MEX3A: variants seen among roughly 807,000 people sequenced by gnomAD.
MEX3A encodes mex-3 RNA binding family member A.
MEX3A carries 4 observed loss-of-function variants against 30.0 expected under a neutral mutation model. That is an observed-to-expected ratio of 0.13 (90% confidence interval 0.07 to 0.30). MEX3A has a LOEUF of 0.30. Ranked by LOEUF, MEX3A falls within the 10% of genes least tolerant of loss-of-function variation. The pLI is 1.00. For synonymous variants in MEX3A, 335 were observed against 327.6 expected, an observed-to-expected ratio of 1.02 and a Z score of -0.24; for missense variants, 555 against 736.7, an observed-to-expected ratio of 0.75 and a Z score of 2.86.
At position 156,073,295 on chromosome 1, in the gene MEX3A, C is replaced by G. The variant is rs899396575; in HGVS notation, c.*3279G>C. 1 of 152,930 alleles carries G rather than the reference C, an allele frequency of 6.5e-6. No homozygotes were observed. The highest frequency in any genetic ancestry group is 2.1e-4 in the South Asian group (1 of 4,830). The allele number at this position is 152,930 out of a possible 1,614,324, so 9.5% of individuals were successfully genotyped here. A position where few individuals can be genotyped will look rare whatever the true frequency, so the allele number is the denominator to read the frequency against. ...TCCTCTGCTGCCCCCAACCCAGCCC[C>G]TGTCTTATTGAGATGATCAGTGTGC... On this transcript the variant is annotated 3_prime_UTR_variant, in exon 2 of 2. Coordinates refer to ENST00000532414, the MANE Select transcript of MEX3A (RefSeq NM_001093725.2).
In MEX3A at chr1:156,075,453, A is replaced by G. The variant is rs1446384298; in HGVS notation, c.*1121T>C. 2.0e-5 allele frequency: 3 copies of G among 152,738 alleles called. No homozygotes were observed. The highest frequency in any genetic ancestry group is 4.4e-5 in the Non-Finnish European group (3 of 68,082). 9.5% of individuals were successfully genotyped at this position (152,738 alleles called of 1,614,324 possible). A position where few individuals can be genotyped will look rare whatever the true frequency, so the allele number is the denominator to read the frequency against. On this transcript the variant is annotated 3_prime_UTR_variant, in exon 2 of 2. Coordinates refer to ENST00000532414, the MANE Select transcript of MEX3A (RefSeq NM_001093725.2). ...CCACAACCAGAAAATCCAGCCCAAGAACTACTCCCTAAATATAATGCCCAT... is the reference window on the plus strand; with the variant it reads ...CCACAACCAGAAAATCCAGCCCAAGGACTACTCCCTAAATATAATGCCCAT...
chr1:156,081,718 G>A lies in MEX3A; in HGVS notation c.281C>T (p.Ala94Val), dbSNP rs1648249171. The part of the protein sequence containing the change: ...PPAAPPAAPT[A>V]APAAQTPQPP... ...CTGGGGCGTCTGCGCTGCGGGGGCC[G>A]CCGTCGGGGCGGCCGGGGGCGCCGC... is the stretch of plus-strand genomic sequence containing the variant. Residue 94 changes from alanine to valine, a missense_variant, in exon 1 of 2, where the codon GCG becomes GTG. Around this residue, in one of 6 missense-constraint regions of MEX3A, gnomAD observed 159 missense variants for 159.9 expected, o/e 0.99. Transcript: ENST00000532414. The A allele has an allele frequency of 1.1e-5, 12 of 1,070,114 alleles. No individual in the cohort carries two copies. The highest frequency in any genetic ancestry group is 4.0e-4 in the Middle Eastern group (1 of 2,486). The allele number at this position is 1,070,114 out of a possible 1,614,324, so 66.3% of individuals were successfully genotyped here.
rs1315383741 is a variant in MEX3A, at chr1:156,073,447, A to C, written c.*3127T>G. The C allele has an allele frequency of 6.5e-6, 1 of 152,678 alleles. No homozygotes were observed. The highest frequency in any genetic ancestry group is 1.5e-5 in the Non-Finnish European group (1 of 68,022). The allele number at this position is 152,678 out of a possible 1,614,324, so 9.5% of individuals were successfully genotyped here. On this transcript the variant is annotated 3_prime_UTR_variant, in exon 2 of 2. Coordinates refer to ENST00000532414, the MANE Select transcript of MEX3A (RefSeq NM_001093725.2). ...AATCTTAAACTAGCAACCTGATCCAACCCTGGTATCTGAAGATTGGGCAAC... is the reference window on the plus strand; with the variant it reads ...AATCTTAAACTAGCAACCTGATCCACCCCTGGTATCTGAAGATTGGGCAAC...
rs74964948 is a variant in MEX3A, at chr1:156,075,211, G to T, written c.*1363C>A. 2,047 of 152,412 alleles carry T rather than the reference G, an allele frequency of 0.013. 17 individuals are homozygous for T. The highest frequency in any genetic ancestry group is 0.019 in the South Asian group (90 of 4,814). The allele number at this position is 152,412 out of a possible 1,614,324, so 9.4% of individuals were successfully genotyped here. On this transcript the variant is annotated 3_prime_UTR_variant, in exon 2 of 2. Coordinates refer to ENST00000532414, the MANE Select transcript of MEX3A (RefSeq NM_001093725.2). ...ACCTGGCTTCTCCTCAACCACATCA[G>T]GTGGGACACAGACTCCATGATTTGC...
chr1:156,078,926 C>G (rs1648145598), intron 1 of MEX3A, among the ~76,000 whole-genome samples: 1 of 152,304 alleles, frequency 6.6e-6, no homozygotes, highest in Non-Finnish European at 1.5e-5. Context: ...CCCATCCTCC[C>G]CAGCACACAA....
In MEX3A at chr1:156,081,600, C is replaced by T. The variant is rs550056832; in HGVS notation, c.399G>A (p.Thr133=). 2.9e-4 allele frequency: 465 copies of T among 1,588,732 alleles called. 1 individual carries two copies. The Middle Eastern group carries it at 3.2e-3, about 11-fold the overall frequency. ...CGGAGGTGGGCACGGGAACACACTC[C>T]GTGGTGTTGCTGCTGCCCTTCAGGC... The part of the protein sequence containing the change: ...ELRLKGSSNT[T]ECVPVPTSEH... The change falls in exon 1 of 2, where the codon ACG becomes ACA. Residue 133 remains threonine (T), a synonymous_variant. Transcript: ENST00000532414.
rs567450877 is a variant in MEX3A, at chr1:156,078,697, C to T, written c.455-1015G>A. Among the ~76,000 whole-genome samples, 7 of 152,318 alleles carry T rather than the reference C, an allele frequency of 4.6e-5. No individual in the cohort carries two copies. In the East Asian group the frequency reaches 1.2e-3, roughly 25 times the overall value. ...ACAAGTCCCTCTCCTCCTTACCCAC[C>T]TTCCTCTTCCCTGCTCCTAGCTTCA... On this transcript the variant is annotated intron_variant, in intron 1 of 1. Coordinates refer to ENST00000532414, the MANE Select transcript of MEX3A (RefSeq NM_001093725.2).
At position 156,074,548 on chromosome 1, in the gene MEX3A, T is replaced by C. The variant is rs1438324281; in HGVS notation, c.*2026A>G. ...TTGTTTCTAGGTTTGGCTCAATTGG[T>C]AAGGGTGGGATTGAATTTGCTGAGC... On this transcript the variant is annotated 3_prime_UTR_variant, in exon 2 of 2. Transcript: ENST00000532414. The C allele has an allele frequency of 6.6e-6, 1 of 152,650 alleles. No homozygotes were observed. Among genetic ancestry groups the C allele is most frequent in the Non-Finnish European group, 1.5e-5 (1 of 68,008 alleles). The allele number at this position is 152,650 out of a possible 1,614,324, so 9.5% of individuals were successfully genotyped here.
chr1:156,079,557 CT>C lies in MEX3A; in HGVS notation c.455-1876del, dbSNP rs1274339653. On this transcript the variant is annotated intron_variant, in intron 1 of 1. Coordinates refer to ENST00000532414, the MANE Select transcript of MEX3A (RefSeq NM_001093725.2). Reference sequence around the variant, plus strand: ...AAAAGACCTTAAGAAGGAAAATTTGCTTGTTTCCTCTTGTCTTCAGACCTCT... The same window carrying C: ...AAAAGACCTTAAGAAGGAAAATTTGCTGTTTCCTCTTGTCTTCAGACCTCT... Among the ~76,000 whole-genome samples, 5 of 152,304 alleles carry C rather than the reference CT, an allele frequency of 3.3e-5. No individual in the cohort carries two copies. In the East Asian group the frequency reaches 9.6e-4, roughly 29 times the overall value.
At chr1:156,080,991 GC>G (rs1648209084) in intron 1 of MEX3A, among the ~76,000 whole-genome samples, 1 of 151,928 alleles carries the variant, frequency 6.6e-6, no homozygotes, top group African/African-American at 2.4e-5. Context: ...CCTCTCAGCA[GC>G]CCCCCTCACC....
In MEX3A at chr1:156,072,317, C is replaced by G. The variant is rs551858507; in HGVS notation, c.*4257G>C. On this transcript the variant is annotated 3_prime_UTR_variant, in exon 2 of 2. Coordinates refer to ENST00000532414, the MANE Select transcript of MEX3A (RefSeq NM_001093725.2). ...ACCCCCCCTTCCCCACCCGCACCCT[C>G]GAGTGGGGAAGGGGAAGCCCTCCCC... is the stretch of plus-strand genomic sequence containing the variant. 2.0e-5 allele frequency: 3 copies of G among 152,470 alleles called. No homozygotes were observed. The highest frequency in any genetic ancestry group is 4.2e-4 in the South Asian group (2 of 4,808). 9.4% of individuals were successfully genotyped at this position (152,470 alleles called of 1,614,324 possible). A position where few individuals can be genotyped will look rare whatever the true frequency, so the allele number is the denominator to read the frequency against.
Position 156,076,833 on chromosome 1 carries a change from G to C in MEX3A, c.1304C>G (p.Pro435Arg). Residue 435 changes from proline (P) to arginine (R), a missense_variant, in exon 2 of 2, where the codon CCC becomes CGC. By Grantham distance (103) the Pro-to-Arg change is moderately radical. Around this residue, in one of 6 missense-constraint regions of MEX3A, gnomAD observed 281 missense variants for 265.1 expected, o/e 1.06. Transcript: ENST00000532414. This position sits in a 1 kb window ranked among gnomAD's most constrained non-coding sequence, Gnocchi z 6.0. ...AHRSPATSAG[P>R]ELAGLPRRPP... ...GCGCCTCGGGAGTCCGGCCAGCTCG[G>C]GTCCCGCGGAAGTGGCAGGGGAGCG... is the stretch of plus-strand genomic sequence containing the variant. The C allele has an allele frequency of 1.9e-6, 3 of 1,548,642 alleles. No individual in the cohort carries two copies. The highest frequency in any genetic ancestry group is 2.6e-6 in the Non-Finnish European group (3 of 1,146,106).
Position 156,076,345 on chromosome 1 carries a change from T to C in MEX3A, c.*229A>G. 2.1e-6 allele frequency: 1 copy of C among 479,136 alleles called. No individual in the cohort carries two copies. The highest frequency in any genetic ancestry group is 3.7e-6 in the Non-Finnish European group (1 of 273,134). The allele number at this position is 479,136 out of a possible 1,614,324, so 29.7% of individuals were successfully genotyped here. A position where few individuals can be genotyped will look rare whatever the true frequency, so the allele number is the denominator to read the frequency against. ...TGTTGAGGTATCAGAGTTGTAACTC[T>C]AGTAAAATTTTCAGTCTGGCCCCCT... On this transcript the variant is annotated 3_prime_UTR_variant, in exon 2 of 2. Transcript: ENST00000532414. The surrounding 1 kb of genome is among the most constrained non-coding windows in gnomAD (Gnocchi z 6.0).
In MEX3A at chr1:156,075,446, G is replaced by A. The variant is rs1648030699; in HGVS notation, c.*1128C>T. 6.6e-6 allele frequency: 1 copy of A among 152,628 alleles called. No individual in the cohort carries two copies. The highest frequency in any genetic ancestry group is 6.5e-5 in the Admixed American group (1 of 15,268). The allele number at this position is 152,628 out of a possible 1,614,324, so 9.5% of individuals were successfully genotyped here. ...CCCACTTCCACAACCAGAAAATCCA[G>A]CCCAAGAACTACTCCCTAAATATAA... On this transcript the variant is annotated 3_prime_UTR_variant, in exon 2 of 2. Transcript: ENST00000532414.
chr1:156,080,395 C>A lies in MEX3A; in HGVS notation c.454+1150G>T, dbSNP rs540045261. On this transcript the variant is annotated intron_variant, in intron 1 of 1. Transcript: ENST00000532414. ...ATAAGGTGGGATGTGGAGTAGGGGC[C>A]CCCCTGGCCCGCCTCCCCTTTTCCT... Among the ~76,000 whole-genome samples the A allele has an allele frequency of 3.9e-5, 6 of 152,208 alleles. No homozygotes were observed. In the East Asian group the frequency reaches 9.7e-4, roughly 25 times the overall value.
chr1:156,073,136 CAAG>C lies in MEX3A; in HGVS notation c.*3435_*3437del, dbSNP rs1158933223. ...AGAGAAGTGGACCGAGGTCACACTT[CAAG>C]AAGGACTTCCTCAGTTAGGCCTGGG... is the stretch of plus-strand genomic sequence containing the variant. On this transcript the variant is annotated 3_prime_UTR_variant, in exon 2 of 2. Transcript: ENST00000532414. 4 of 152,776 alleles carry C rather than the reference CAAG, an allele frequency of 2.6e-5. No individual in the cohort carries two copies. Among genetic ancestry groups the C allele is most frequent in the African/African-American group, 9.7e-5 (4 of 41,444 alleles). 9.5% of individuals were successfully genotyped at this position (152,776 alleles called of 1,614,324 possible).
rs1647974568 is a variant in MEX3A, at chr1:156,073,597, T to C, written c.*2977A>G. ...AGCTATCTTAATATTGTCTACTAAG[T>C]AACTAGTAATTGTTTCTTTCTCTCT... On this transcript the variant is annotated 3_prime_UTR_variant, in exon 2 of 2. Coordinates refer to ENST00000532414, the MANE Select transcript of MEX3A (RefSeq NM_001093725.2). The C allele has an allele frequency of 6.5e-6, 1 of 152,730 alleles. No individual in the cohort carries two copies. The highest frequency in any genetic ancestry group is 1.5e-5 in the Non-Finnish European group (1 of 68,028). The allele number at this position is 152,730 out of a possible 1,614,324, so 9.5% of individuals were successfully genotyped here.
rs1190329026 is a variant in MEX3A at position 156,075,500 on chromosome 1, A to G, written c.*1074T>C. The G allele has an allele frequency of 1.3e-5, 2 of 152,702 alleles. No homozygotes were observed. The highest frequency in any genetic ancestry group is 2.9e-5 in the Non-Finnish European group (2 of 68,042). 9.5% of individuals were successfully genotyped at this position (152,702 alleles called of 1,614,324 possible). On this transcript the variant is annotated 3_prime_UTR_variant, in exon 2 of 2. Coordinates refer to ENST00000532414, the MANE Select transcript of MEX3A (RefSeq NM_001093725.2). ...CCATAGTGATGAAGGTGGGGGTTTG[A>G]CCCTTTACCCCAGTATTAGTCCCCT...
chr1:156,079,970 C>G (rs111396792), intron 1 of MEX3A, among the ~76,000 whole-genome samples: 1 of 152,192 alleles, frequency 6.6e-6, no homozygotes, highest in African/African-American at 2.4e-5. Flanking sequence ...CAGAGGAGCA[C>G]TAACACTGCA....
Sources: allele counts gnomAD v4.1 joint callset (sites outside exome capture counted in the v4.1 genomes callset), GRCh38; gene constraint gnomAD v4.1.1; regional missense constraint gnomAD v4.1.1; non-coding constraint Gnocchi (gnomAD v3.1); transcripts MANE v1.5; gene names NCBI Gene and HGNC (gene_info 2026-07-23, HGNC 2026-07-21).